The following AKAP10 variants were observed in gnomAD, a reference collection of about 807,000 sequenced individuals.
AKAP10 encodes the protein A-kinase anchor protein 10, mitochondrial.
In AKAP10, 24 loss-of-function variants were observed where a neutral mutation model predicts 80.8. The ratio of observed to expected loss-of-function variants is 0.30; its 90% CI spans 0.22 to 0.42. The LOEUF (loss-of-function observed/expected upper bound fraction) is 0.42, where lower values mean the gene tolerates loss of function less well. Ranked by LOEUF, AKAP10 falls within the 10% of genes least tolerant of loss-of-function variation. The pLI, the probability that AKAP10 is intolerant of heterozygous loss-of-function variation, is 1.00. For synonymous variants in AKAP10, 291 were observed against 277.7 expected, an observed-to-expected ratio of 1.05 and a Z score of -0.48; for missense variants, 661 against 794.9, an observed-to-expected ratio of 0.83 and a Z score of 2.03.
chr17:19,911,036 G>A (rs2042684451), intron 12 of AKAP10, among the ~76,000 whole-genome samples: 1 of 152,094 alleles, frequency 6.6e-6, no homozygotes, highest in Non-Finnish European at 1.5e-5. Context: ...TTGAGGCAAG[G>A]TCCTGTTTAA....
chr17:19,945,507 G>C (rs2043094009), intron 5 of AKAP10, among the ~76,000 whole-genome samples: 1 of 152,154 alleles, frequency 6.6e-6, no homozygotes, highest in Non-Finnish European at 1.5e-5. Flanking sequence ...ACATCTGTCA[G>C]CAAAACTCAG....
rs536963520 is a variant in AKAP10 at position 19,958,497 on chromosome 17, C to T, written c.394G>A (p.Asp132Asn). 2.5e-6 allele frequency: 4 copies of T among 1,613,140 alleles called. No homozygotes were observed. The Admixed American group carries it at 5.0e-5, about 20-fold the overall frequency. The stretch of plus-strand genomic sequence containing the variant: ...ATGAAGTAAGGGAGGACAATAGTGT[C>T]GTGCAAGACTTGTTCAAGGGTCTTA... ...LSKTLEQVLH[D>N]TIVLPYFIQF... is the part of the protein sequence containing the mutation. The change falls in exon 4 of 15, where the codon GAC becomes AAC. Residue 132 changes from aspartate to asparagine, a missense_variant. Coordinates refer to ENST00000225737, the MANE Select transcript of AKAP10 (RefSeq NM_007202.4).
chr17:19,966,477 T>C (rs2043420004), intron 2 of AKAP10, among the ~76,000 whole-genome samples: 1 of 152,238 alleles, frequency 6.6e-6, no homozygotes, highest in South Asian at 2.1e-4. Context: ...AAGTGTTCTA[T>C]AAATGGCAGC....
intron 14 of AKAP10, among the ~76,000 whole-genome samples, chr17:19,908,570 G>T (rs1351593351): frequency 1.3e-5 from 2 of 152,036 alleles, no homozygotes; most frequent in African/African-American, 4.8e-5. Context: ...TATCTCTACG[G>T]CTTTCTTTCT....
intron 10 of AKAP10, among the ~76,000 whole-genome samples, chr17:19,925,210 A>G (rs1293006667): frequency 6.6e-6 from 1 of 152,186 alleles, no homozygotes; most frequent in Non-Finnish European, 1.5e-5. Flanking sequence ...GTATGAATTT[A>G]TAAGACATTC....
At chr17:19,967,712 G>GA (rs2043438531) in intron 2 of AKAP10, among the ~76,000 whole-genome samples, 1 of 151,824 alleles carries the variant, frequency 6.6e-6, no homozygotes, top group South Asian at 2.1e-4. Flanking sequence ...GTGAAACCCT[G>GA]TCTCTACTAA....
chr17:19,958,648 G>T, intron 3 of AKAP10, 77 bp from the exon 4 acceptor site: 1 of 1,247,774 alleles, frequency 8.0e-7, no homozygotes, highest in Non-Finnish European at 1.1e-6. Flanking sequence ...ATCACTTTTA[G>T]CAACAACTGG....
intron 3 of AKAP10, 130 bp from the exon 4 acceptor site, chr17:19,958,701 T>C (rs553200053): frequency 1.4e-6 from 1 of 729,358 alleles, no homozygotes; most frequent in Admixed American, 3.3e-5. Flanking sequence ...GCAACTAAAG[T>C]AAATAAAAAA....
chr17:19,946,197 CATATATTTTATATATAT>C (rs1567765078), intron 5 of AKAP10, among the ~76,000 whole-genome samples: 3 of 58,002 alleles, frequency 5.2e-5, no homozygotes, highest in East Asian at 6.1e-4. Context: ...TATACTAATA[CATATATTTTATATATAT>C]ATATATTTTA....
intron 10 of AKAP10, among the ~76,000 whole-genome samples, chr17:19,931,392 C>CT (rs577953997): frequency 0.024 from 3,338 of 137,778 alleles, 101 homozygotes; most frequent in African/African-American, 0.067. Flanking sequence ...TTATTTCTCT[C>CT]TTTTTTTTTT....
chr17:19,911,316 C>A (rs573550392), intron 12 of AKAP10, among the ~76,000 whole-genome samples: 1 of 152,318 alleles, frequency 6.6e-6, no homozygotes, highest in African/African-American at 2.4e-5. Context: ...CCAATTTACA[C>A]ATGAAATCTG....
At chr17:19,975,299 A>G (rs1724769281) in intron 1 of AKAP10, among the ~76,000 whole-genome samples, 1 of 152,214 alleles carries the variant, frequency 6.6e-6, no homozygotes, top group South Asian at 2.1e-4. Flanking sequence ...GATTACAGAT[A>G]TGAACCACCA....
chr17:19,947,371 C>A, intron 5 of AKAP10, 36 bp downstream of exon 5: 1 of 1,471,922 alleles, frequency 6.8e-7, no homozygotes, highest in South Asian at 1.2e-5. Flanking sequence ...CATTTTTTGT[C>A]ATTTTTTTTT....
At position 19,939,796 on chromosome 17, in the gene AKAP10, A is replaced by T; in HGVS notation, c.1239T>A (p.Asp413Glu). ...VNILQFWLAA[D>E]NFQSQLAAKK... is the part of the protein sequence containing the mutation. ...TGGCAGCAAGCTGAGACTGGAAGTT[A>T]TCTGCTGCCAACCAGAATTGTAAGA... Residue 413 changes from aspartate to glutamate, a missense_variant, in exon 8 of 15, where the codon GAT becomes GAA. By Grantham distance (45) the Asp-to-Glu change is conservative. Coordinates refer to ENST00000225737, the MANE Select transcript of AKAP10 (RefSeq NM_007202.4). 6.2e-7 allele frequency: 1 copy of T among 1,614,060 alleles called. No individual in the cohort carries two copies. Among genetic ancestry groups the T allele is most frequent in the Non-Finnish European group, 8.5e-7 (1 of 1,179,966 alleles).
At chr17:19,939,948 C>A (rs912039768) in intron 7 of AKAP10, 99 bp from the exon 8 acceptor site, 6 of 1,286,334 alleles carry the variant, frequency 4.7e-6, no homozygotes, top group African/African-American at 1.5e-5. Context: ...AGGTCATAAG[C>A]AAAAAACAAA....
intron 2 of AKAP10, among the ~76,000 whole-genome samples, chr17:19,965,068 G>A (rs541754047): frequency 4.3e-4 from 65 of 152,318 alleles, no homozygotes; most frequent in Admixed American, 3.7e-3. Flanking sequence ...CTTTGGTCTT[G>A]TATCACTGAT....
chr17:19,946,260 TATATATATATATA>T (rs2043122878), intron 5 of AKAP10, among the ~76,000 whole-genome samples: 3 of 27,830 alleles, frequency 1.1e-4, no homozygotes, highest in African/African-American at 4.6e-4. Flanking sequence ...TATATATATA[TATATATATATATA>T]TATTTTTTTT....
intron 12 of AKAP10, among the ~76,000 whole-genome samples, chr17:19,910,654 C>CTTGG (rs2307586): frequency 0.28 from 42,478 of 151,842 alleles, 6,370 homozygotes; most frequent in African/African-American, 0.38. Flanking sequence ...GGATAATGCT[C>CTTGG]TTGGGTAAGA....
chr17:19,939,477 A>G (rs1301136833), intron 8 of AKAP10, among the ~76,000 whole-genome samples: 1 of 151,866 alleles, frequency 6.6e-6, no homozygotes, highest in Non-Finnish European at 1.5e-5. Flanking sequence ...TCTGGGAAAC[A>G]CTCCTTGAAC....
Sources: allele counts gnomAD v4.1 joint callset (sites outside exome capture counted in the v4.1 genomes callset), GRCh38; gene constraint gnomAD v4.1.1; transcripts MANE v1.5; gene names NCBI Gene and HGNC (gene_info 2026-07-23, HGNC 2026-07-21).